The following SMAP1 variants were observed in gnomAD, a reference collection of about 807,000 sequenced individuals.
SMAP1 encodes small ArfGAP 1.
Under a neutral mutation model 58.5 loss-of-function variants are expected in SMAP1, and 24 were observed. The ratio of observed to expected loss-of-function variants is 0.41; its 90% CI spans 0.30 to 0.58. SMAP1 has a LOEUF of 0.58. SMAP1 is among the 20% of genes least tolerant of loss of function. SMAP1 has a pLI of 0.29. For missense variants in SMAP1, 563 were observed against 566.3 expected (o/e 0.99, Z 0.06); for synonymous variants, 216 against 196.6 (o/e 1.10, Z -0.82).
intron 1 of SMAP1, among the ~76,000 whole-genome samples, chr6:70,695,051 G>A (rs1017277126): frequency 2.0e-5 from 3 of 152,076 alleles, no homozygotes; most frequent in Non-Finnish European, 4.4e-5. Context: ...ATTTGTAGCT[G>A]TCGTAATGGG....
chr6:70,778,725 C>T (rs188632060), intron 4 of SMAP1, among the ~76,000 whole-genome samples: 16 of 152,286 alleles, frequency 1.1e-4, no homozygotes, highest in Admixed American at 2.0e-4. Flanking sequence ...AGTCTGAGTA[C>T]GTCGGTTGTC....
chr6:70,786,911 G>T (rs1415126468), intron 4 of SMAP1, among the ~76,000 whole-genome samples: 1 of 152,124 alleles, frequency 6.6e-6, no homozygotes, highest in Non-Finnish European at 1.5e-5. Flanking sequence ...TCCCCATCAA[G>T]CTACCACTGA....
chr6:70,736,355 G>GT (rs1765617363), intron 2 of SMAP1, among the ~76,000 whole-genome samples: 2 of 152,100 alleles, frequency 1.3e-5, no homozygotes, highest in South Asian at 4.1e-4. Flanking sequence ...AAAGGACCAA[G>GT]TTTTTTATAC....
intron 6 of SMAP1, among the ~76,000 whole-genome samples, chr6:70,815,383 G>A (rs1273649216): frequency 1.3e-5 from 2 of 152,168 alleles, no homozygotes; most frequent in Non-Finnish European, 2.9e-5. Context: ...TACCTTGGCA[G>A]TCCTGATGGT....
In SMAP1 at chr6:70,840,060, G is replaced by T. The variant is rs577605100; in HGVS notation, c.664+3032G>T. Reference sequence around the variant, plus strand: ...AAACACAGCGGGGATTGGGGGCGTAGGTGCCTTGAAGTATGATTTATGGTC... The same window carrying T: ...AAACACAGCGGGGATTGGGGGCGTATGTGCCTTGAAGTATGATTTATGGTC... On this transcript the variant is annotated intron_variant, in intron 7 of 10. Coordinates refer to ENST00000370455, the MANE Select transcript of SMAP1 (RefSeq NM_001044305.3). Among the ~76,000 whole-genome samples, 121 of 152,276 alleles carry T rather than the reference G, an allele frequency of 7.9e-4. 3 individuals carry two copies. Among genetic ancestry groups the T allele is most frequent in the Admixed American group, 7.2e-4 (11 of 15,294 alleles).
chr6:70,850,904 G>A (rs1456730578), intron 7 of SMAP1, among the ~76,000 whole-genome samples: 1 of 152,064 alleles, frequency 6.6e-6, no homozygotes, highest in Non-Finnish European at 1.5e-5. Flanking sequence ...TAACTTTAAA[G>A]TGAATATTGC....
In SMAP1 at chr6:70,667,986, C is replaced by T. The variant is rs753307436; in HGVS notation, c.-38C>T. The T allele has an allele frequency of 6.5e-7, 1 of 1,535,416 alleles. No homozygotes were observed. The highest frequency in any genetic ancestry group is 2.6e-5 in the East Asian group (1 of 39,142). On this transcript the variant is annotated 5_prime_UTR_variant, in exon 1 of 11. Transcript: ENST00000370455. ...CCCGGCTCCAGCCAGCGTCCGCCGC[C>T]GCCGTAGCTGCCCCAGGCTCCCCGC... is the stretch of plus-strand genomic sequence containing the variant.
chr6:70,688,343 T>C (rs1767017311), intron 1 of SMAP1, among the ~76,000 whole-genome samples: 1 of 152,204 alleles, frequency 6.6e-6, no homozygotes, highest in Non-Finnish European at 1.5e-5. Context: ...CTGGGTTGTA[T>C]GGTGATTGCA....
At chr6:70,788,843 G>C (rs17763641) in intron 4 of SMAP1, among the ~76,000 whole-genome samples, 4 of 152,134 alleles carry the variant, frequency 2.6e-5, no homozygotes, top group South Asian at 2.1e-4. Context: ...CTTCTAAGCA[G>C]TGATATGTGG....
intron 3 of SMAP1, among the ~76,000 whole-genome samples, chr6:70,757,178 T>C (rs1766529066): frequency 6.6e-6 from 1 of 150,506 alleles, no homozygotes; most frequent in Non-Finnish European, 1.5e-5. Flanking sequence ...GAGATATAGA[T>C]CAATGGAACA....
intron 1 of SMAP1, among the ~76,000 whole-genome samples, chr6:70,686,569 G>T (rs1434794900): frequency 6.6e-6 from 1 of 151,998 alleles, no homozygotes; most frequent in Non-Finnish European, 1.5e-5. Flanking sequence ...GTGTATTTTT[G>T]AAAAAACACA....
chr6:70,669,307 A>G (rs1024183948), intron 1 of SMAP1, among the ~76,000 whole-genome samples: 23 of 152,206 alleles, frequency 1.5e-4, no homozygotes, highest in African/African-American at 5.5e-4. Context: ...TCTCAATACT[A>G]TATAAATGAG....
At chr6:70,759,327 A>C (rs867561972) in intron 3 of SMAP1, among the ~76,000 whole-genome samples, 17 of 152,148 alleles carry the variant, frequency 1.1e-4, no homozygotes, top group Middle Eastern at 3.4e-3. Flanking sequence ...CGAATTGAAG[A>C]ATCCTCCTTT....
intron 2 of SMAP1, among the ~76,000 whole-genome samples, chr6:70,745,111 C>T (rs989429460): frequency 1.6e-4 from 24 of 152,122 alleles, no homozygotes; most frequent in Admixed American, 1.2e-3. Flanking sequence ...AATTTTCTCC[C>T]GTTCTGTAGG....
At chr6:70,711,715 A>G (rs1402970939) in intron 1 of SMAP1, among the ~76,000 whole-genome samples, 3 of 151,722 alleles carry the variant, frequency 2.0e-5, no homozygotes. Context: ...TTTAGTAGAG[A>G]TGGGGTTTCA....
intron 3 of SMAP1, among the ~76,000 whole-genome samples, chr6:70,757,896 A>G (rs1242097799): frequency 6.6e-6 from 1 of 151,742 alleles, no homozygotes; most frequent in South Asian, 2.1e-4. Context: ...ATGTGGAGAA[A>G]TAGGAACACT....
intron 1 of SMAP1, among the ~76,000 whole-genome samples, chr6:70,668,871 A>C (rs1200197729): frequency 6.6e-6 from 1 of 152,156 alleles, no homozygotes; most frequent in Non-Finnish European, 1.5e-5. Flanking sequence ...GATTTTAGTA[A>C]TTAGGTTTTC....
chr6:70,693,735 G>C (rs1767282696), intron 1 of SMAP1: 1 of 152,520 alleles, frequency 6.6e-6, no homozygotes, highest in Non-Finnish European at 1.5e-5. Flanking sequence ...TTGGAAAATG[G>C]CATTGGGGGA....
chr6:70,858,180 G>A lies in SMAP1; in HGVS notation c.1220G>A (p.Ser407Asn). The change falls in exon 10 of 11, where the codon AGT becomes AAT. Residue 407 changes from serine (S) to asparagine (N), a missense_variant. By Grantham distance (46) the Ser-to-Asn change is conservative. Transcript: ENST00000370455. ...GTGGGACAAATGGGTGCACCCCAGA[G>A]TAAGTTTGGCCTGCCGCAAGCTCAG... Reference protein sequence around the residue: ...GMVGQMGAPQSKFGLPQAQQP... With the variant: ...GMVGQMGAPQNKFGLPQAQQP... 3 of 1,612,394 alleles carry A rather than the reference G, an allele frequency of 1.9e-6. No individual in the cohort carries two copies. The highest frequency in any genetic ancestry group is 1.7e-6 in the Non-Finnish European group (2 of 1,179,296).
Sources: gnomAD v4.1 joint callset for allele counts (sites outside exome capture counted in the v4.1 genomes callset) on GRCh38, gnomAD v4.1.1 for gene constraint, MANE v1.5 for transcripts, NCBI Gene and HGNC (gene_info 2026-07-23, HGNC 2026-07-21) for gene names.